The following CMSS1 variants were observed in gnomAD, a reference collection of about 807,000 sequenced individuals.
CMSS1 encodes the protein cms1 ribosomal small subunit homolog.
A neutral mutation model predicts 43.5 loss-of-function variants in CMSS1; 33 were observed. The observed-to-expected ratio is 0.76, with a 90% CI of 0.57 to 1.01. CMSS1 has a LOEUF of 1.01. CMSS1 is among the 50% of genes least tolerant of loss of function. CMSS1 has a pLI of 0.00. For missense variants in CMSS1, 313 were observed against 326.4 expected (o/e 0.96, Z 0.32); for synonymous variants, 115 against 117.2 (o/e 0.98, Z 0.12).
intron 1 of CMSS1, chr3:100,040,359 T>TA (rs1317341701): frequency 6.6e-6 from 1 of 152,218 alleles, no homozygotes; most frequent in Admixed American, 6.5e-5. Context: ...AACAGTATAT[T>TA]AAAGTTCTCT....
At chr3:100,099,548 T>C (rs1158259464) in intron 1 of CMSS1, among the ~76,000 whole-genome samples, 3 of 152,218 alleles carry the variant, frequency 2.0e-5, no homozygotes, top group Non-Finnish European at 4.4e-5. Flanking sequence ...TATCCTTAAC[T>C]AAGTCATTTA....
At chr3:99,842,043 T>C (rs2107507082) in intron 1 of CMSS1, among the ~76,000 whole-genome samples, 1 of 152,314 alleles carries the variant, frequency 6.6e-6, no homozygotes, top group South Asian at 2.1e-4. Flanking sequence ...AGTGTGTTTA[T>C]GGCAGCACAA....
chr3:100,000,639 C>T (rs1259175521), intron 1 of CMSS1, among the ~76,000 whole-genome samples: 1 of 152,164 alleles, frequency 6.6e-6, no homozygotes, highest in Non-Finnish European at 1.5e-5. Flanking sequence ...TGCTTGGGCC[C>T]AGGAGTTCAA....
At chr3:99,936,888 T>C (rs761139491) in intron 1 of CMSS1, among the ~76,000 whole-genome samples, 5 of 152,182 alleles carry the variant, frequency 3.3e-5, no homozygotes, top group Non-Finnish European at 5.9e-5. Context: ...AGCCCTACTA[T>C]GTCAAGTATT....
chr3:100,056,711 A>C (rs2065469399), intron 1 of CMSS1, among the ~76,000 whole-genome samples: 1 of 151,918 alleles, frequency 6.6e-6, no homozygotes, highest in Non-Finnish European at 1.5e-5. Flanking sequence ...TAAAAAAAAA[A>C]AAATGGGGCC....
intron 1 of CMSS1, among the ~76,000 whole-genome samples, chr3:100,118,711 C>T (rs149403951): frequency 1.4e-4 from 21 of 152,116 alleles, no homozygotes; most frequent in Non-Finnish European, 2.5e-4. Flanking sequence ...AAAGTTGACC[C>T]CTAGGACAGA....
chr3:99,944,227 T>C (rs766059103), intron 1 of CMSS1, among the ~76,000 whole-genome samples: 22 of 152,138 alleles, frequency 1.4e-4, no homozygotes, highest in Non-Finnish European at 3.1e-4. Context: ...GAGATGGAGA[T>C]TGGCAAGCTG....
intron 1 of CMSS1, among the ~76,000 whole-genome samples, chr3:100,131,385 T>G (rs2066706848): frequency 6.6e-6 from 1 of 152,238 alleles, no homozygotes; most frequent in South Asian, 2.1e-4. Context: ...TACACTCATC[T>G]GAGTGTTTCT....
At chr3:99,883,539 A>G (rs1190702891) in intron 1 of CMSS1, among the ~76,000 whole-genome samples, 1 of 152,062 alleles carries the variant, frequency 6.6e-6, no homozygotes, top group East Asian at 1.9e-4. Flanking sequence ...GGGGTGTTGT[A>G]TAAACAGATT....
At chr3:100,117,828 T>TATATATATATATATATATATATATATAC (rs2066585191) in intron 1 of CMSS1, among the ~76,000 whole-genome samples, 1 of 77,338 alleles carries the variant, frequency 1.3e-5, no homozygotes, top group African/African-American at 6.3e-5. Flanking sequence ...AACTGCAGTA[T>TATATATATATATATATATATATATATAC]ATATATATAT....
intron 1 of CMSS1, among the ~76,000 whole-genome samples, chr3:100,117,848 T>TATACATATATATATATATATATATAC (rs1553715629): frequency 1.1e-5 from 1 of 91,506 alleles, no homozygotes; most frequent in Non-Finnish European, 2.2e-5. Context: ...TATATATATA[T>TATACATATATATATATATATATATAC]ATATACATAT....
At chr3:100,079,162 T>G (rs1157758559) in intron 1 of CMSS1, among the ~76,000 whole-genome samples, 1 of 152,190 alleles carries the variant, frequency 6.6e-6, no homozygotes, top group Non-Finnish European at 1.5e-5. Flanking sequence ...TTTTACAGTC[T>G]TTACAGCATG....
intron 1 of CMSS1, among the ~76,000 whole-genome samples, chr3:100,141,246 C>T (rs1346156121): frequency 6.6e-6 from 1 of 152,118 alleles, no homozygotes; most frequent in East Asian, 1.9e-4. Flanking sequence ...GTGCAGGATG[C>T]CAGCACTAGA....
chr3:100,154,263 A>G (rs1217219737), intron 2 of CMSS1, among the ~76,000 whole-genome samples: 3 of 152,212 alleles, frequency 2.0e-5, no homozygotes, highest in African/African-American at 4.8e-5. Flanking sequence ...TAATTGACAC[A>G]TAATAATTCT....
At chr3:99,851,630 C>A (rs927147597) in intron 1 of CMSS1, among the ~76,000 whole-genome samples, 2 of 152,160 alleles carry the variant, frequency 1.3e-5, no homozygotes, top group African/African-American at 2.4e-5. Context: ...TTGCTGCTGT[C>A]TTTATTAATA....
chr3:100,152,506 T>C (rs2066928218), intron 2 of CMSS1, among the ~76,000 whole-genome samples: 1 of 152,166 alleles, frequency 6.6e-6, no homozygotes, highest in African/African-American at 2.4e-5. Context: ...GCAGCTTGTT[T>C]AAAAAAATCT....
intron 1 of CMSS1, among the ~76,000 whole-genome samples, chr3:100,027,473 CAGCTCCTTGT>C: frequency 6.6e-6 from 1 of 152,264 alleles, no homozygotes; most frequent in Middle Eastern, 3.4e-3. Flanking sequence ...GCTTCTCCAG[CAGCTCCTTGT>C]AGCTTGGGAA....
rs537601505 is a variant in CMSS1 at position 100,167,001 on chromosome 3, G to A, written c.415+607G>A. On this transcript the variant is annotated intron_variant, in intron 5 of 9. Transcript: ENST00000421999. ...GGGCTCAAGAGATCCTCCCCACTCA[G>A]CCTCCCAAAGTGCTGAGATTACAGG... Among the ~76,000 whole-genome samples, 4 of 152,144 alleles carry A rather than the reference G, an allele frequency of 2.6e-5. No individual in the cohort carries two copies. The South Asian group carries it at 8.3e-4, about 32-fold the overall frequency.
At chr3:100,138,583 A>G (rs2066775150) in intron 1 of CMSS1, among the ~76,000 whole-genome samples, 1 of 152,216 alleles carries the variant, frequency 6.6e-6, no homozygotes, top group East Asian at 1.9e-4. Flanking sequence ...CAGACATATG[A>G]AAAAAAGCTC....
Sources: allele counts gnomAD v4.1 joint callset (sites outside exome capture counted in the v4.1 genomes callset), GRCh38; gene constraint gnomAD v4.1.1; transcripts MANE v1.5; gene names NCBI Gene and HGNC (gene_info 2026-07-23, HGNC 2026-07-21).